The following DNM3 variants were observed in gnomAD, a reference collection of about 807,000 sequenced individuals.
DNM3 encodes dynamin-3.
DNM3 carries 47 observed loss-of-function variants against 101.6 expected under a neutral mutation model. The ratio of observed to expected loss-of-function variants is 0.46; its 90% CI spans 0.37 to 0.59. The LOEUF (loss-of-function observed/expected upper bound fraction) is 0.59. Among genes scored for constraint, DNM3 ranks in the 20% least tolerant of loss-of-function variants. The probability of loss-of-function intolerance (pLI) is 0.00; values close to 1 mark genes in which losing one functional copy is unlikely to be tolerated. For missense variants in DNM3, 849 were observed against 1,085.7 expected (o/e 0.78, Z 3.06); for synonymous variants, 385 against 387.9 (o/e 0.99, Z 0.09).
intron 8 of DNM3, 137 bp downstream of exon 8, chr1:172,042,281 A>T: frequency 1.2e-6 from 1 of 804,522 alleles, no homozygotes; most frequent in Non-Finnish European, 1.8e-6. Context: ...CAGGTAATGA[A>T]ATTCAGGAGA....
Position 172,092,851 on chromosome 1 carries a change from CA to C in DNM3, c.1523del (p.Lys508ArgfsTer9). ...NAQQRSSQVHKKTTVGNQVIR... is the reference protein window; with the variant it reads ...NAQQRSSQVHXKTTVGNQVIR... The stretch of plus-strand genomic sequence containing the variant: ...CTCAGCAGAGGAGCAGTCAGGTTCA[CA>C]AGAAAACCACAGTTGGAAATCAGGT... On this transcript the variant is annotated frameshift_variant, in exon 13 of 21. Transcript: ENST00000627582. LOFTEE classifies it high-confidence loss of function. 1 of 1,559,830 alleles carries C rather than the reference CA, an allele frequency of 6.4e-7. No homozygotes were observed. The highest frequency in any genetic ancestry group is 8.7e-7 in the Non-Finnish European group (1 of 1,150,926).
intron 17 of DNM3, among the ~76,000 whole-genome samples, chr1:172,346,033 G>C (rs1189210670): frequency 2.0e-5 from 3 of 149,416 alleles, no homozygotes; most frequent in African/African-American, 7.4e-5. Context: ...TGAGGCAGGA[G>C]AATGGCGTGA....
At chr1:172,340,858 A>T (rs542696345) in intron 17 of DNM3, among the ~76,000 whole-genome samples, 3 of 152,128 alleles carry the variant, frequency 2.0e-5, no homozygotes, top group Non-Finnish European at 4.4e-5. Context: ...GAGTTGGGAG[A>T]GAGGGCATTC....
At chr1:172,189,852 G>C (rs2059644385) in intron 14 of DNM3, among the ~76,000 whole-genome samples, 1 of 151,746 alleles carries the variant, frequency 6.6e-6, no homozygotes, top group Non-Finnish European at 1.5e-5. Flanking sequence ...AGAAGGGGGA[G>C]GTCCAAGACT....
At chr1:172,012,176 G>A (rs141323767) in intron 4 of DNM3, among the ~76,000 whole-genome samples, 2 of 152,128 alleles carry the variant, frequency 1.3e-5, no homozygotes, top group East Asian at 1.9e-4. Flanking sequence ...AATGTTCAGG[G>A]TGCTGTGGTA....
chr1:172,008,873 T>A (rs1489725373), intron 4 of DNM3, among the ~76,000 whole-genome samples: 1 of 139,070 alleles, frequency 7.2e-6, no homozygotes, highest in Non-Finnish European at 1.5e-5. Context: ...ATATAAATAA[T>A]ATTAATATAT....
intron 20 of DNM3, among the ~76,000 whole-genome samples, chr1:172,402,165 T>G (rs982271158): frequency 2.0e-5 from 3 of 152,072 alleles, no homozygotes; most frequent in African/African-American, 7.2e-5. Flanking sequence ...CATGCACGCC[T>G]CAAACTTCAA....
chr1:171,976,318 T>C (rs964006057), intron 2 of DNM3, among the ~76,000 whole-genome samples: 2 of 152,214 alleles, frequency 1.3e-5, no homozygotes, highest in African/African-American at 2.4e-5. Context: ...GATTGGGTAA[T>C]TTATAAAAGA....
At chr1:172,082,269 T>A (rs2053210257) in intron 12 of DNM3, among the ~76,000 whole-genome samples, 1 of 151,996 alleles carries the variant, frequency 6.6e-6, no homozygotes, top group African/African-American at 2.4e-5. Context: ...AAATACCACA[T>A]GTAATTTACA....
intron 9 of DNM3, among the ~76,000 whole-genome samples, chr1:172,048,389 C>G (rs956272811): frequency 6.6e-6 from 1 of 152,134 alleles, no homozygotes; most frequent in African/African-American, 2.4e-5. Flanking sequence ...TGTAGCATTT[C>G]TTTTTATTGC....
At chr1:172,385,604 T>A (rs771057103) in intron 18 of DNM3, among the ~76,000 whole-genome samples, 1 of 152,256 alleles carries the variant, frequency 6.6e-6, no homozygotes, top group Non-Finnish European at 1.5e-5. Context: ...AATTTTTTGA[T>A]TAGTAGAATT....
intron 17 of DNM3, among the ~76,000 whole-genome samples, chr1:172,373,911 C>T (rs1390398355): frequency 2.6e-5 from 4 of 152,024 alleles, no homozygotes; most frequent in Non-Finnish European, 5.9e-5. Flanking sequence ...AGTTATTTTT[C>T]TGTAAACTAA....
At position 172,385,346 on chromosome 1, in the gene DNM3, G is replaced by A. The variant is rs541119039; in HGVS notation, c.2059-1787G>A. Among the ~76,000 whole-genome samples, 13 of 152,104 alleles carry A rather than the reference G, an allele frequency of 8.5e-5. No homozygotes were observed. The East Asian group carries it at 9.7e-4, about 11-fold the overall frequency. On this transcript the variant is annotated intron_variant, in intron 18 of 20. Transcript: ENST00000627582. ...TTCACTTACTTGCTTAAACGCTTTC[G>A]CTGGCCCCTCATTGCCAAGCAAATA...
At chr1:172,122,702 C>T (rs1027974924) in intron 13 of DNM3, among the ~76,000 whole-genome samples, 5 of 152,074 alleles carry the variant, frequency 3.3e-5, no homozygotes, top group Admixed American at 6.6e-5. Context: ...TATGTGTGTG[C>T]GTTAAGGGTG....
chr1:171,995,358 A>T (rs1479324493), intron 4 of DNM3, among the ~76,000 whole-genome samples: 4 of 149,732 alleles, frequency 2.7e-5, no homozygotes, highest in African/African-American at 9.8e-5. Context: ...ACCCACCTCG[A>T]CCTCCCAAAG....
At position 172,120,367 on chromosome 1, in the gene DNM3, G is replaced by A. The variant is rs1360318033; in HGVS notation, c.1546-10808G>A. Among the ~76,000 whole-genome samples the A allele has an allele frequency of 4.9e-4, 75 of 152,078 alleles. 1 individual carries two copies. The highest frequency in any genetic ancestry group is 7.4e-5 in the Non-Finnish European group (5 of 68,012). On this transcript the variant is annotated intron_variant, in intron 13 of 20. Transcript: ENST00000627582. Reference sequence around the variant, plus strand: ...CCTCATGATTCAATTACCTCCCACTGAGTCTCTCCCATGACATGTGGGAAT... The same window carrying A: ...CCTCATGATTCAATTACCTCCCACTAAGTCTCTCCCATGACATGTGGGAAT...
intron 2 of DNM3, among the ~76,000 whole-genome samples, chr1:171,978,480 C>T (rs1008407553): frequency 2.0e-5 from 3 of 151,954 alleles, no homozygotes; most frequent in Admixed American, 1.3e-4. Context: ...GCAAGCAGAG[C>T]GACTGAGTAG....
intron 15 of DNM3, among the ~76,000 whole-genome samples, chr1:172,308,436 A>G (rs1224145967): frequency 6.6e-6 from 1 of 152,206 alleles, no homozygotes; most frequent in African/African-American, 2.4e-5. Context: ...ACAAGTTCCA[A>G]TCAGTTCACA....
At chr1:172,007,569 A>G (rs2046781355) in intron 4 of DNM3, among the ~76,000 whole-genome samples, 1 of 152,086 alleles carries the variant, frequency 6.6e-6, no homozygotes, top group East Asian at 1.9e-4. Context: ...TTTCTCATCT[A>G]TAGTTTATTT....
Sources: allele counts gnomAD v4.1 joint callset (sites outside exome capture counted in the v4.1 genomes callset), GRCh38; gene constraint gnomAD v4.1.1; transcripts MANE v1.5; gene names NCBI Gene and HGNC (gene_info 2026-07-23, HGNC 2026-07-21).